The following PIGN variants were observed in gnomAD, a reference collection of about 807,000 sequenced individuals.
The protein encoded by PIGN is phosphatidylinositol glycan anchor biosynthesis class N.
Under a neutral mutation model 125.4 loss-of-function variants are expected in PIGN, and 117 were observed. The ratio of observed to expected loss-of-function variants is 0.93; its 90% CI spans 0.80 to 1.09. The LOEUF is 1.09. PIGN is among the 50% of genes least tolerant of loss of function. The pLI, the probability that PIGN is intolerant of heterozygous loss-of-function variation, is 0.00. For missense variants in PIGN, 1,075 were observed against 1,094.9 expected, an observed-to-expected ratio of 0.98 and a Z score of 0.26; for synonymous variants, 392 against 377.8, an observed-to-expected ratio of 1.04 and a Z score of -0.44.
Position 62,143,295 on chromosome 18 carries a change from G to C in PIGN, c.963+11C>G, listed in dbSNP as rs186152849. On this transcript the variant is annotated intron_variant, in intron 11 of 30. Transcript: ENST00000640252. ...AATTAAATTTGAATGTAATAAAATC[G>C]AACTGGATACCTGATTGACATCTAG... The C allele has an allele frequency of 2.1e-6, 3 of 1,433,748 alleles. No homozygotes were observed. The highest frequency in any genetic ancestry group is 1.9e-6 in the Non-Finnish European group (2 of 1,036,884). The allele number at this position is 1,433,748 out of a possible 1,614,324, so 88.8% of individuals were successfully genotyped here. A position where few individuals can be genotyped will look rare whatever the true frequency, so the allele number is the denominator to read the frequency against.
intron 1 of PIGN, among the ~76,000 whole-genome samples, chr18:62,165,252 T>C (rs2037089822): frequency 6.6e-6 from 1 of 152,190 alleles, no homozygotes; most frequent in Non-Finnish European, 1.5e-5. Flanking sequence ...CTCTGCCATG[T>C]TATAACAAAG....
At chr18:62,020,960 CAAAA>C (rs35691307) in intron 23 of PIGN, among the ~76,000 whole-genome samples, 5 of 113,420 alleles carry the variant, frequency 4.4e-5, no homozygotes, top group Non-Finnish European at 5.5e-5. Flanking sequence ...GACTCTGTCT[CAAAA>C]AAAAAAAAAA....
chr18:62,137,212 A>T, intron 14 of PIGN: 2 of 400,596 alleles, frequency 5.0e-6, no homozygotes, highest in Non-Finnish European at 8.9e-6. Flanking sequence ...CTTGAACATC[A>T]GACTCCGAAT....
intron 1 of PIGN, among the ~76,000 whole-genome samples, chr18:62,164,319 G>A (rs1392208991): frequency 1.3e-5 from 2 of 152,188 alleles, no homozygotes; most frequent in African/African-American, 2.4e-5. Flanking sequence ...ATAACATAAT[G>A]TATTAGTCCA....
intron 6 of PIGN, among the ~76,000 whole-genome samples, chr18:62,155,332 C>T (rs538864911): frequency 3.8e-4 from 58 of 152,036 alleles, no homozygotes; most frequent in Non-Finnish European, 6.9e-4. Flanking sequence ...TTTGGGAGGC[C>T]GAGGCAGGTG....
rs1383921333 is a variant in PIGN at position 62,113,334 on chromosome 18, A to G, written c.1252-18T>C. On this transcript the variant is annotated intron_variant, in intron 15 of 30. Transcript: ENST00000640252. The stretch of plus-strand genomic sequence containing the variant: ...AGGGAGACCTATGGAGAAAAAACAT[A>G]TATAACTTGCTAACAGAAATAATAA... The G allele has an allele frequency of 3.9e-6, 6 of 1,547,932 alleles. No individual in the cohort carries two copies. The highest frequency in any genetic ancestry group is 1.7e-4 in the Middle Eastern group (1 of 5,876).
intron 23 of PIGN, among the ~76,000 whole-genome samples, chr18:62,026,226 A>G (rs541697266): frequency 1.3e-5 from 2 of 152,198 alleles, no homozygotes; most frequent in African/African-American, 2.4e-5. Context: ...GGCGCTAAGG[A>G]AGCATTCTAG....
chr18:62,066,765 C>T (rs993272694), intron 30 of PIGN, among the ~76,000 whole-genome samples: 11 of 152,162 alleles, frequency 7.2e-5, no homozygotes, highest in African/African-American at 1.7e-4. Flanking sequence ...ATTTGGGCCC[C>T]ACATAATGCC....
At chr18:62,125,179 A>T (rs539564993) in intron 14 of PIGN, among the ~76,000 whole-genome samples, 1 of 131,592 alleles carries the variant, frequency 7.6e-6, no homozygotes, top group Non-Finnish European at 1.7e-5. Context: ...TGTGTATATA[A>T]ATATACACGT....
At chr18:62,063,075 T>C (rs1796565423) in intron 30 of PIGN, among the ~76,000 whole-genome samples, 1 of 151,306 alleles carries the variant, frequency 6.6e-6, no homozygotes, top group African/African-American at 2.4e-5. Context: ...GCATCAACAC[T>C]CATGAGAGGA....
chr18:62,041,640 G>GTGTGTGTGTGTGTGT lies in PIGN; in HGVS notation c.*4215_*4216insACACACACACACACA, dbSNP rs2030376218. 1.3e-5 allele frequency: 1 copy of GTGTGTGTGTGTGTGT among 77,470 alleles called. No homozygotes were observed. Among genetic ancestry groups the GTGTGTGTGTGTGTGT allele is most frequent in the African/African-American group, 5.4e-5 (1 of 18,430 alleles). 4.8% of individuals were successfully genotyped at this position (77,470 alleles called of 1,614,324 possible). A position where few individuals can be genotyped will look rare whatever the true frequency, so the allele number is the denominator to read the frequency against. On this transcript the variant is annotated 3_prime_UTR_variant, in exon 31 of 31. Transcript: ENST00000640252. ...ATTACAGGAGCCTACCACCCCGCCG[G>GTGTGTGTGTGTGTGT]GTGTGTGTGTGTGTGTGTGTGTGTG...
intron 23 of PIGN, among the ~76,000 whole-genome samples, chr18:62,030,629 A>T (rs537055018): frequency 5.5e-4 from 84 of 152,172 alleles, no homozygotes; most frequent in Non-Finnish European, 1.0e-3. Flanking sequence ...TTATGTGCTG[A>T]TATTTTTATC....
At chr18:62,028,029 C>A (rs1022581719) in intron 23 of PIGN, among the ~76,000 whole-genome samples, 1 of 152,208 alleles carries the variant, frequency 6.6e-6, no homozygotes, top group African/African-American at 2.4e-5. Context: ...ATTCCAATAT[C>A]ACCACTTACA....
chr18:62,019,948 A>G (rs1301593258), intron 23 of PIGN, among the ~76,000 whole-genome samples: 1 of 152,204 alleles, frequency 6.6e-6, no homozygotes, highest in African/African-American at 2.4e-5. Flanking sequence ...AACTGAGGAG[A>G]CAGAAATTGG....
intron 23 of PIGN, among the ~76,000 whole-genome samples, chr18:62,020,298 G>A (rs562175146): frequency 2.0e-5 from 3 of 152,240 alleles, no homozygotes; most frequent in East Asian, 1.9e-4. Flanking sequence ...ACGAACTGCC[G>A]GGCAGCACAA....
chr18:62,043,123 A>G lies in PIGN; in HGVS notation c.*2733T>C, dbSNP rs2030444753. The G allele has an allele frequency of 6.6e-6, 1 of 152,178 alleles. No individual in the cohort carries two copies. The highest frequency in any genetic ancestry group is 2.1e-4 in the South Asian group (1 of 4,830). The allele number at this position is 152,178 out of a possible 1,614,324, so 9.4% of individuals were successfully genotyped here. A position where few individuals can be genotyped will look rare whatever the true frequency, so the allele number is the denominator to read the frequency against. On this transcript the variant is annotated 3_prime_UTR_variant, in exon 31 of 31. Transcript: ENST00000640252. ...CAAGTTATCTCTGGTCTCTTAAAAG[A>G]AGGAGTTCTCAGAACTGGTCTGAAG...
At chr18:62,146,069 C>A (rs764520881) in intron 9 of PIGN, 44 bp from the exon 10 acceptor site, 30 of 822,146 alleles carry the variant, frequency 3.6e-5, no homozygotes, top group East Asian at 5.5e-5. Context: ...TATAGAAGAA[C>A]TAACTTACAA....
chr18:62,130,769 A>C (rs901527819), intron 14 of PIGN, among the ~76,000 whole-genome samples: 2 of 152,070 alleles, frequency 1.3e-5, no homozygotes, highest in Non-Finnish European at 2.9e-5. Flanking sequence ...TTTTGCTTTC[A>C]TCTACACATG....
chr18:62,128,945 T>G (rs996619194), intron 14 of PIGN, among the ~76,000 whole-genome samples: 1 of 152,160 alleles, frequency 6.6e-6, no homozygotes, highest in African/African-American at 2.4e-5. Context: ...CGATGTTTCA[T>G]TGGAAATGCA....
Sources: gnomAD v4.1 joint callset for allele counts (sites outside exome capture counted in the v4.1 genomes callset) on GRCh38, gnomAD v4.1.1 for gene constraint, MANE v1.5 for transcripts, NCBI Gene and HGNC (gene_info 2026-07-23, HGNC 2026-07-21) for gene names.